Variants in LRFN2 observed in about 807,000 individuals in gnomAD.
LRFN2 encodes the protein leucine-rich repeat and fibronectin type-III domain-containing protein 2.
A neutral mutation model predicts 37.3 loss-of-function variants in LRFN2; 18 were observed. That is an observed-to-expected ratio of 0.48 (90% CI 0.33 to 0.72). LRFN2 has a LOEUF of 0.72. Among genes scored for constraint, LRFN2 ranks in the 30% least tolerant of loss-of-function variants. LRFN2 has a pLI of 0.02. For missense variants in LRFN2, 1,006 were observed against 1,060.7 expected, an observed-to-expected ratio of 0.95 and a Z score of 0.72; for synonymous variants, 556 against 466.6, an observed-to-expected ratio of 1.19 and a Z score of -2.47.
At chr6:40,583,014 G>A (rs1022295195) in intron 1 of LRFN2, among the ~76,000 whole-genome samples, 3 of 152,046 alleles carry the variant, frequency 2.0e-5, no homozygotes, top group Non-Finnish European at 4.4e-5. Context: ...TGGATTCCCC[G>A]TCTCACTAAT....
intron 1 of LRFN2, among the ~76,000 whole-genome samples, chr6:40,562,702 G>C (rs1023431904): frequency 2.0e-5 from 3 of 152,114 alleles, no homozygotes; most frequent in Non-Finnish European, 4.4e-5. Context: ...TAATCAGCTA[G>C]AGAAAGCTCT....
chr6:40,396,551 C>T (rs6931327), intron 2 of LRFN2, among the ~76,000 whole-genome samples: 1 of 152,124 alleles, frequency 6.6e-6, no homozygotes, highest in Non-Finnish European at 1.5e-5. Context: ...TCTTGGCGGG[C>T]CACTGGAACC....
chr6:40,509,728 G>T (rs1048121680), intron 1 of LRFN2, among the ~76,000 whole-genome samples: 1 of 151,864 alleles, frequency 6.6e-6, no homozygotes, highest in Non-Finnish European at 1.5e-5. Context: ...ACAAGTAGGA[G>T]AGCTGAGTGC....
chr6:40,538,933 A>G (rs2436750), intron 1 of LRFN2, among the ~76,000 whole-genome samples: 4,432 of 152,218 alleles, frequency 0.029, 238 homozygotes, highest in African/African-American at 0.1. Flanking sequence ...GTGTTGTGGT[A>G]CCCTCTTGAA....
intron 1 of LRFN2, among the ~76,000 whole-genome samples, chr6:40,541,210 G>C (rs1473032311): frequency 2.6e-5 from 4 of 152,188 alleles, no homozygotes; most frequent in African/African-American, 7.2e-5. Flanking sequence ...CAGCTGGGAT[G>C]GTTCTGTCCA....
At chr6:40,468,833 G>A (rs2113855360) in intron 1 of LRFN2, among the ~76,000 whole-genome samples, 2 of 152,190 alleles carry the variant, frequency 1.3e-5, no homozygotes, top group South Asian at 4.2e-4. Context: ...TTGTAAAATG[G>A]GAATCATGTC....
chr6:40,443,151 T>G (rs1763882553), intron 1 of LRFN2, among the ~76,000 whole-genome samples: 1 of 152,200 alleles, frequency 6.6e-6, no homozygotes. Context: ...GGATCCCACG[T>G]GGTACCGGCA....
At chr6:40,564,876 TC>T (rs2113790767) in intron 1 of LRFN2, among the ~76,000 whole-genome samples, 1 of 151,266 alleles carries the variant, frequency 6.6e-6, no homozygotes, top group East Asian at 1.9e-4. Context: ...AACCCCAAAA[TC>T]CCCCCAGCCT....
chr6:40,586,887 C>G (rs555528752), intron 1 of LRFN2, 54 bp downstream of exon 1: 1 of 152,382 alleles, frequency 6.6e-6, no homozygotes, highest in Admixed American at 6.5e-5. Flanking sequence ...AGCCCCGCGC[C>G]GAGCTCCCGC....
chr6:40,441,100 G>A (rs1354868539), intron 1 of LRFN2, among the ~76,000 whole-genome samples: 1 of 152,188 alleles, frequency 6.6e-6, no homozygotes, highest in Non-Finnish European at 1.5e-5. Flanking sequence ...AACTTTCAGA[G>A]GAAGGAGACC....
chr6:40,507,105 G>A (rs573039914), intron 1 of LRFN2, among the ~76,000 whole-genome samples: 12 of 152,156 alleles, frequency 7.9e-5, no homozygotes, highest in African/African-American at 1.2e-4. Context: ...GACGTCCTCC[G>A]CCCTTGGATG....
At chr6:40,470,191 TG>T (rs138953567) in intron 1 of LRFN2, among the ~76,000 whole-genome samples, 2,059 of 152,340 alleles carry the variant, frequency 0.014, 59 homozygotes, top group African/African-American at 0.046. Context: ...GCATGTGGGC[TG>T]GGGAAACAGG....
intron 1 of LRFN2, among the ~76,000 whole-genome samples, chr6:40,487,615 C>A (rs530610557): frequency 1.4e-4 from 22 of 152,212 alleles, no homozygotes; most frequent in Non-Finnish European, 3.1e-4. Context: ...GAAGGATGAC[C>A]AGAAGGGATG....
In LRFN2 at chr6:40,432,151, G is replaced by A; in HGVS notation, c.963C>T (p.His321=). ...CCAGGCGGTCATCGGGGGCTACCCA[G>A]TGGATAAGGGGGCTGGGGTCCCCAA... ...KAIGDPSPLI[H]WVAPDDRLVG... is the part of the protein sequence containing the mutation. The change falls in exon 2 of 3, where the codon CAC becomes CAT. Residue 321 remains histidine (H), a synonymous_variant. Coordinates refer to ENST00000338305, the MANE Select transcript of LRFN2 (RefSeq NM_020737.3). 2 of 1,613,882 alleles carry A rather than the reference G, an allele frequency of 1.2e-6. No individual in the cohort carries two copies. The highest frequency in any genetic ancestry group is 2.2e-5 in the South Asian group (2 of 91,088).
At chr6:40,562,831 TCACTCACA>T (rs1274843623) in intron 1 of LRFN2, among the ~76,000 whole-genome samples, 369 of 144,138 alleles carry the variant, frequency 2.6e-3, no homozygotes, top group African/African-American at 8.8e-3. Context: ...GTGCGTGCAC[TCACTCACA>T]CACACACACA....
At chr6:40,500,069 C>T (rs1581753605) in intron 1 of LRFN2, among the ~76,000 whole-genome samples, 3 of 152,238 alleles carry the variant, frequency 2.0e-5, no homozygotes, top group South Asian at 4.1e-4. Context: ...GGGATGGATG[C>T]CCAGCACGAA....
intron 1 of LRFN2, among the ~76,000 whole-genome samples, chr6:40,518,759 G>T (rs1307585954): frequency 6.6e-6 from 1 of 152,106 alleles, no homozygotes; most frequent in African/African-American, 2.4e-5. Flanking sequence ...AAGCACTAGG[G>T]GCATGAAAAT....
At chr6:40,542,513 T>C (rs980231016) in intron 1 of LRFN2, among the ~76,000 whole-genome samples, 21 of 151,846 alleles carry the variant, frequency 1.4e-4, no homozygotes, top group Admixed American at 3.9e-4. Context: ...CCAGCTTCAA[T>C]CAGCAGCCCT....
At chr6:40,562,835 T>TCACACACA (rs773357501) in intron 1 of LRFN2, among the ~76,000 whole-genome samples, 3 of 125,626 alleles carry the variant, frequency 2.4e-5, no homozygotes, top group Non-Finnish European at 3.5e-5. Context: ...GTGCACTCAC[T>TCACACACA]CACACACACA....
Sources: allele counts gnomAD v4.1 joint callset (sites outside exome capture counted in the v4.1 genomes callset), GRCh38; gene constraint gnomAD v4.1.1; transcripts MANE v1.5; gene names NCBI Gene and HGNC (gene_info 2026-07-23, HGNC 2026-07-21).